Variants in RNF19B observed in about 807,000 individuals in gnomAD.
RNF19B encodes E3 ubiquitin-protein ligase RNF19B.
Under a neutral mutation model 65.5 loss-of-function variants are expected in RNF19B, and 23 were observed. That is an observed-to-expected ratio of 0.35 (90% CI 0.25 to 0.50). RNF19B has a LOEUF of 0.50. RNF19B is among the 20% of genes least tolerant of loss of function. The pLI is 0.98. For missense variants in RNF19B, 794 were observed against 980.0 expected, an observed-to-expected ratio of 0.81 and a Z score of 2.53; for synonymous variants, 372 against 379.6, an observed-to-expected ratio of 0.98 and a Z score of 0.23.
intron 8 of RNF19B, 112 bp downstream of exon 8, chr1:32,938,285 A>T: frequency 8.8e-7 from 1 of 1,138,672 alleles, no homozygotes; most frequent in Non-Finnish European, 1.3e-6. Context: ...AGGTTACACT[A>T]TATATCCCAG....
At chr1:32,933,975 A>T (rs1642059920), downstream of RNF19B, among the ~76,000 whole-genome samples, 1 of 152,190 alleles carries the variant, frequency 6.6e-6, no homozygotes, top group South Asian at 2.1e-4. Flanking sequence ...CAAAGAAGTG[A>T]ATTGTTCTCT....
chr1:32,963,294 C>T lies in RNF19B; in HGVS notation c.635+757G>A, dbSNP rs182175400. Among the ~76,000 whole-genome samples, 148 of 152,280 alleles carry T rather than the reference C, an allele frequency of 9.7e-4. 1 individual carries two copies. Among genetic ancestry groups the T allele is most frequent in the Admixed American group, 9.0e-3 (138 of 15,292 alleles). On this transcript the variant is annotated intron_variant, in intron 1 of 8. Coordinates refer to ENST00000235150, the MANE Select transcript of RNF19B (RefSeq NM_001300826.2). ...TTTCAGCGGTGGTTGTCAGGGAGAA[C>T]ACGCCTTCTTCTGCAATGCTAAGTC... is the stretch of plus-strand genomic sequence containing the variant.
rs149946247 is a variant in RNF19B, at chr1:32,948,412, T to C, written c.842-49A>G. 930 of 1,590,002 alleles carry C rather than the reference T, an allele frequency of 5.8e-4. 3 individuals are homozygous for C. The African/African-American group carries it at 0.011, about 19-fold the overall frequency. On this transcript the variant is annotated intron_variant, in intron 2 of 8. Coordinates refer to ENST00000235150, the MANE Select transcript of RNF19B (RefSeq NM_001300826.2). ...GGTAGAAAAAATACCCCTAGTTAAA[T>C]CCAGTTTGATTTAATTGTTCCTAGG... is the stretch of plus-strand genomic sequence containing the variant.
downstream of RNF19B, among the ~76,000 whole-genome samples, chr1:32,934,893 C>T (rs984429444): frequency 5.3e-4 from 81 of 151,934 alleles, no homozygotes; most frequent in African/African-American, 1.7e-3. Flanking sequence ...AGTGCAAAGG[C>T]GCGATCTCGG....
intron 1 of RNF19B, among the ~76,000 whole-genome samples, chr1:32,955,203 C>A (rs779118497): frequency 5.9e-5 from 9 of 152,062 alleles, no homozygotes; most frequent in Non-Finnish European, 1.2e-4. Context: ...ACCTGTGTTG[C>A]ATGAATGACA....
At chr1:32,949,107 T>C (rs1255535762) in intron 2 of RNF19B, among the ~76,000 whole-genome samples, 2 of 152,214 alleles carry the variant, frequency 1.3e-5, no homozygotes, top group Non-Finnish European at 2.9e-5. Flanking sequence ...TGTGTGACAT[T>C]CCTCCTTTTA....
At chr1:32,939,776 C>G (rs1486790290) in intron 7 of RNF19B, among the ~76,000 whole-genome samples, 1 of 152,212 alleles carries the variant, frequency 6.6e-6, no homozygotes, top group Non-Finnish European at 1.5e-5. Flanking sequence ...TCAAACCCAT[C>G]TGACTCATTC....
chr1:32,942,627 C>T (rs1389104551), intron 6 of RNF19B, among the ~76,000 whole-genome samples, 168 bp from the exon 7 acceptor site: 5 of 152,184 alleles, frequency 3.3e-5, no homozygotes, highest in African/African-American at 9.7e-5. Context: ...ATTTAATCCT[C>T]CAAATAACTA....
At chr1:32,960,614 C>A (rs1411998644) in intron 1 of RNF19B, among the ~76,000 whole-genome samples, 2 of 151,976 alleles carry the variant, frequency 1.3e-5, no homozygotes, top group African/African-American at 4.8e-5. Context: ...CCAGCCTGGG[C>A]ACAGAGTGAG....
chr1:32,957,691 G>A lies in RNF19B; in HGVS notation c.635+6360C>T, dbSNP rs1013974633. ...TCTACTAAAAATACAAACATTAGCTGGACATTGTGGCACATGCCTGTAATC... is the reference window on the plus strand; with the variant it reads ...TCTACTAAAAATACAAACATTAGCTAGACATTGTGGCACATGCCTGTAATC... On this transcript the variant is annotated intron_variant, in intron 1 of 8. Transcript: ENST00000235150. 3.9e-5 allele frequency among the ~76,000 whole-genome samples: 6 copies of A among 152,252 alleles called. No individual in the cohort carries two copies. The East Asian group carries it at 9.7e-4, about 25-fold the overall frequency.
At chr1:32,942,123 A>G (rs192798773) in intron 7 of RNF19B, 129 bp downstream of exon 7, 298 of 835,696 alleles carry the variant, frequency 3.6e-4, no homozygotes, top group African/African-American at 2.7e-3. Flanking sequence ...AAAACAAAAC[A>G]AAACAAAACC....
In RNF19B at chr1:32,945,614, A is replaced by C; in HGVS notation, c.1161T>G (p.Tyr387Ter). ...TGTGTTTGGAGGTTTTCCTTCCCTC[A>C]TACCTGCTGTGAATCTAAGAATAAA... ...VYVGRKIHSR[Y>*]EGRKTSKHKR... Residue 387 changes from tyrosine (Y) to a stop codon, truncating the protein, a stop_gained, in exon 5 of 9, where the codon TAT (tyrosine) becomes TAG (stop). Transcript: ENST00000235150. LOFTEE classifies it high-confidence loss of function. The C allele has an allele frequency of 6.2e-7, 1 of 1,607,632 alleles. No individual in the cohort carries two copies. The highest frequency in any genetic ancestry group is 8.5e-7 in the Non-Finnish European group (1 of 1,174,012).
intron 7 of RNF19B, among the ~76,000 whole-genome samples, chr1:32,941,734 T>C (rs1642236945): frequency 6.6e-6 from 1 of 151,602 alleles, no homozygotes; most frequent in Non-Finnish European, 1.5e-5. Flanking sequence ...TATGGTGCAA[T>C]GGAAAGAACA....
At chr1:32,933,647 GAATA>G (rs1161611582), downstream of RNF19B, among the ~76,000 whole-genome samples, 1 of 152,152 alleles carries the variant, frequency 6.6e-6, no homozygotes, top group Non-Finnish European at 1.5e-5. Flanking sequence ...CTAAGGATTA[GAATA>G]AATTTAAATT....
At chr1:32,939,111 G>T (rs544394804) in intron 7 of RNF19B, among the ~76,000 whole-genome samples, 2 of 152,176 alleles carry the variant, frequency 1.3e-5, no homozygotes, top group African/African-American at 4.8e-5. Context: ...TAACAACAAA[G>T]GAACTATCAC....
chr1:32,948,532 C>A (rs1642420279), intron 2 of RNF19B, among the ~76,000 whole-genome samples, 169 bp from the exon 3 acceptor site: 1 of 152,184 alleles, frequency 6.6e-6, no homozygotes, highest in Non-Finnish European at 1.5e-5. Flanking sequence ...TATGTCTAGA[C>A]CTCAGGAATT....
In RNF19B at chr1:32,942,423, A is replaced by G. The variant is rs774125071; in HGVS notation, c.1439T>C (p.Ile480Thr). The G allele has an allele frequency of 9.9e-6, 16 of 1,614,004 alleles. No homozygotes were observed. Among genetic ancestry groups the G allele is most frequent in the Admixed American group, 1.7e-5 (1 of 59,998 alleles). The change falls in exon 7 of 9, where the codon ATT (isoleucine) becomes ACT (threonine). Residue 480 changes from isoleucine (I) to threonine (T), a missense_variant. Physicochemically the swap from Ile to Thr is moderately conservative, Grantham distance 89 (BLOSUM62 -1). Coordinates refer to ENST00000235150, the MANE Select transcript of RNF19B (RefSeq NM_001300826.2). The stretch of plus-strand genomic sequence containing the variant: ...CAGGCCTTCAATGCTGCTTTCCCCA[A>G]TGCTGGGATTCTTGAGGGCTCTCCA... ...DAWRALKNPSIGESSIEGLTS... is the reference protein window; with the variant it reads ...DAWRALKNPSTGESSIEGLTS...
At chr1:32,941,611 G>A (rs1441485467) in intron 7 of RNF19B, among the ~76,000 whole-genome samples, 4 of 152,086 alleles carry the variant, frequency 2.6e-5, no homozygotes, top group African/African-American at 9.7e-5. Flanking sequence ...CAAGCCTAAC[G>A]GAGAGCATTT....
rs553527164 is a variant in RNF19B, at chr1:32,943,034, G to A, written c.1403-575C>T. Among the ~76,000 whole-genome samples, 212 of 151,202 alleles carry A rather than the reference G, an allele frequency of 1.4e-3. 1 individual carries two copies. The highest frequency in any genetic ancestry group is 4.7e-3 in the African/African-American group (193 of 41,148). Reference sequence around the variant, plus strand: ...CGGGTGCCTGTAGTCCCAGCTACTCGGGAGGCTGAGGCAGGAGAATGACGC... The same window carrying A: ...CGGGTGCCTGTAGTCCCAGCTACTCAGGAGGCTGAGGCAGGAGAATGACGC... On this transcript the variant is annotated intron_variant, in intron 6 of 8. Transcript: ENST00000235150.
Sources: gnomAD v4.1 joint callset for allele counts (sites outside exome capture counted in the v4.1 genomes callset) on GRCh38, gnomAD v4.1.1 for gene constraint, MANE v1.5 for transcripts, NCBI Gene and HGNC (gene_info 2026-07-23, HGNC 2026-07-21) for gene names.